PKHD1: variants seen among roughly 807,000 people sequenced by gnomAD.
PKHD1 encodes the protein fibrocystin.
PKHD1 carries 291 observed loss-of-function variants against 412.0 expected under a neutral mutation model. The observed-to-expected ratio is 0.71, with a 90% CI of 0.64 to 0.78. PKHD1 has a LOEUF of 0.78. Among genes scored for constraint, PKHD1 ranks in the 30% least tolerant of loss-of-function variants. The pLI is 0.00. For synonymous variants in PKHD1, 1,777 were observed against 1,821.5 expected (o/e 0.98, Z 0.62); for missense variants, 4,825 against 4,950.7 (o/e 0.97, Z 0.76).
chr6:51,991,268 A>G (rs2128071124), intron 35 of PKHD1, among the ~76,000 whole-genome samples: 1 of 152,366 alleles, frequency 6.6e-6, no homozygotes, highest in East Asian at 1.9e-4. Flanking sequence ...GAAACAAAAG[A>G]AAGAGAAAAT....
chr6:51,696,723 A>G (rs1778842903), intron 60 of PKHD1, among the ~76,000 whole-genome samples: 1 of 152,166 alleles, frequency 6.6e-6, no homozygotes, highest in Admixed American at 6.5e-5. Flanking sequence ...GTGGCCCTAG[A>G]GAACTGTGCG....
Position 51,737,774 on chromosome 6 carries a change from A to G in PKHD1, c.10156+6611T>C, listed in dbSNP as rs139796515. On this transcript the variant is annotated intron_variant, in intron 60 of 66. Coordinates refer to ENST00000371117, the MANE Select transcript of PKHD1 (RefSeq NM_138694.4). ...TGTTTAACTCAAAGGTCTGGACTTTACACACATCTATTGATTCAAAATCTC... is the reference window on the plus strand; with the variant it reads ...TGTTTAACTCAAAGGTCTGGACTTTGCACACATCTATTGATTCAAAATCTC... 2.2e-3 allele frequency among the ~76,000 whole-genome samples: 335 copies of G among 152,148 alleles called. 1 individual carries two copies. Among genetic ancestry groups the G allele is most frequent in the African/African-American group, 5.2e-3 (214 of 41,486 alleles).
chr6:51,722,831 G>T (rs1013982275), intron 60 of PKHD1, among the ~76,000 whole-genome samples: 1 of 152,156 alleles, frequency 6.6e-6, no homozygotes, highest in Non-Finnish European at 1.5e-5. Context: ...TGAAGAGAAA[G>T]ACTGACTTCC....
chr6:52,032,961 C>T, intron 29 of PKHD1, 69 bp downstream of exon 29: 1 of 1,333,054 alleles, frequency 7.5e-7, no homozygotes, highest in Admixed American at 1.7e-5. Context: ...TTTCAGAGGA[C>T]ATTGATTGCC....
rs1019403799 is a variant in PKHD1 at position 51,617,622 on chromosome 6, C to G, written c.*1459G>C. 6.6e-6 allele frequency: 1 copy of G among 152,142 alleles called. No homozygotes were observed. Among genetic ancestry groups the G allele is most frequent in the Non-Finnish European group, 1.5e-5 (1 of 68,060 alleles). 9.4% of individuals were successfully genotyped at this position (152,142 alleles called of 1,614,324 possible). On this transcript the variant is annotated 3_prime_UTR_variant, in exon 67 of 67. Coordinates refer to ENST00000371117, the MANE Select transcript of PKHD1 (RefSeq NM_138694.4). Reference sequence around the variant, plus strand: ...CAGTGACCACAGAGAAGGCTACCTACCTCCTTTTAGGGACAGCCTGAAGAT... The same window carrying G: ...CAGTGACCACAGAGAAGGCTACCTAGCTCCTTTTAGGGACAGCCTGAAGAT...
At chr6:51,704,929 T>C (rs1562134640) in intron 60 of PKHD1, among the ~76,000 whole-genome samples, 1 of 151,740 alleles carries the variant, frequency 6.6e-6, no homozygotes. Flanking sequence ...ATACTAACAT[T>C]GGAGGTATAG....
chr6:51,952,999 T>C (rs1328722736), intron 36 of PKHD1, among the ~76,000 whole-genome samples: 1 of 152,156 alleles, frequency 6.6e-6, no homozygotes, highest in East Asian at 1.9e-4. Flanking sequence ...TGCATTGATT[T>C]GAGGACCAGA....
At chr6:52,014,472 G>T (rs529073730) in intron 34 of PKHD1, among the ~76,000 whole-genome samples, 5 of 152,348 alleles carry the variant, frequency 3.3e-5, no homozygotes, top group Middle Eastern at 3.4e-3. Context: ...GAGTAGGGAT[G>T]TGATCAATAC....
intron 36 of PKHD1, among the ~76,000 whole-genome samples, chr6:51,944,946 G>A (rs927187): frequency 0.7 from 107,012 of 152,124 alleles, 38,138 homozygotes; most frequent in East Asian, 0.94. Flanking sequence ...TCATACTCTA[G>A]GGTAAAGCAG....
At chr6:51,992,116 G>C (rs56057172) in intron 35 of PKHD1, among the ~76,000 whole-genome samples, 34 of 152,294 alleles carry the variant, frequency 2.2e-4, no homozygotes, top group Non-Finnish European at 4.3e-4. Context: ...AAATTGAGAT[G>C]ATAATAGTCA....
intron 60 of PKHD1, among the ~76,000 whole-genome samples, chr6:51,737,418 AG>A (rs1783991736): frequency 6.6e-6 from 1 of 152,194 alleles, no homozygotes; most frequent in Non-Finnish European, 1.5e-5. Context: ...ATTTAAAAAG[AG>A]GTTTAATATG....
In PKHD1 at chr6:51,911,817, C is replaced by T. The variant is rs1436270991; in HGVS notation, c.6472G>A (p.Glu2158Lys). Residue 2158 changes from glutamate (E) to lysine (K), a missense_variant, in exon 39 of 67, where the codon GAG (glutamate) becomes AAG (lysine). By Grantham distance (56) the Glu-to-Lys change is moderately conservative (BLOSUM62 1). Coordinates refer to ENST00000371117, the MANE Select transcript of PKHD1 (RefSeq NM_138694.4). ...CTTCTACCTTCTGGAGCATTGGCCT[C>T]CTGGCATGAAACAAGCAGCTTCTCC... Reference protein sequence around the residue: ...EREKLLVSCQEANAPEGNLQH... With the variant: ...EREKLLVSCQKANAPEGNLQH... 6.2e-7 allele frequency: 1 copy of T among 1,613,050 alleles called. No individual in the cohort carries two copies. The highest frequency in any genetic ancestry group is 8.5e-7 in the Non-Finnish European group (1 of 1,179,262).
chr6:52,056,424 T>C (rs1309636570), intron 18 of PKHD1, among the ~76,000 whole-genome samples: 1 of 152,126 alleles, frequency 6.6e-6, no homozygotes, highest in Non-Finnish European at 1.5e-5. Context: ...TTTGACCTTT[T>C]CCCACCGTGT....
At chr6:51,835,103 A>G (rs933152276) in intron 51 of PKHD1, among the ~76,000 whole-genome samples, 15 of 152,220 alleles carry the variant, frequency 9.9e-5, no homozygotes, top group Non-Finnish European at 1.9e-4. Context: ...TGACAGTTGT[A>G]ATGCAAGCAT....
chr6:51,834,951 A>C (rs1412902587), intron 51 of PKHD1, among the ~76,000 whole-genome samples: 3 of 152,182 alleles, frequency 2.0e-5, no homozygotes, highest in Non-Finnish European at 4.4e-5. Context: ...CTGACTACTG[A>C]TATGACTAAG....
intron 60 of PKHD1, among the ~76,000 whole-genome samples, chr6:51,683,250 G>A (rs1776942229): frequency 6.6e-6 from 1 of 151,928 alleles, no homozygotes; most frequent in Non-Finnish European, 1.5e-5. Flanking sequence ...ATTCAGCAAG[G>A]TGAGCAAATT....
chr6:51,760,947 G>A (rs9357707), intron 55 of PKHD1, among the ~76,000 whole-genome samples: 1 of 151,872 alleles, frequency 6.6e-6, no homozygotes, highest in Non-Finnish European at 1.5e-5. Context: ...GGTTAGTGAG[G>A]ATGGAAAGAG....
chr6:51,749,010 G>C (rs1384317357), intron 57 of PKHD1, among the ~76,000 whole-genome samples: 2 of 152,182 alleles, frequency 1.3e-5, no homozygotes, highest in Non-Finnish European at 2.9e-5. Flanking sequence ...GGTAAGAATA[G>C]ATTCTGGGTT....
At chr6:51,662,201 T>C (rs1772973100) in intron 60 of PKHD1, among the ~76,000 whole-genome samples, 1 of 151,944 alleles carries the variant, frequency 6.6e-6, no homozygotes, top group Admixed American at 6.6e-5. Context: ...AAGAATTATC[T>C]AAAAGCAATG....
Sources: allele counts gnomAD v4.1 joint callset (sites outside exome capture counted in the v4.1 genomes callset), GRCh38; gene constraint gnomAD v4.1.1; transcripts MANE v1.5; gene names NCBI Gene and HGNC (gene_info 2026-07-23, HGNC 2026-07-21).